Variants in ACADVL observed in about 807,000 individuals in gnomAD.
ACADVL encodes the protein very long-chain acyl-CoA dehydrogenase, mitochondrial.
ACADVL carries 73 observed loss-of-function variants against 80.4 expected under a neutral mutation model. That is an observed-to-expected ratio of 0.91 (90% CI 0.75 to 1.10). The LOEUF is 1.10. ACADVL is among the 50% of genes least tolerant of loss of function. ACADVL has a pLI of 0.00. For synonymous variants in ACADVL, 392 were observed against 326.5 expected (o/e 1.20, Z -2.16); for missense variants, 878 against 858.9 (o/e 1.02, Z -0.28).
rs2071412683 is a variant in ACADVL, at chr17:7,225,030, T to G, written c.1901T>G (p.Phe634Cys). The G allele has an allele frequency of 6.2e-6, 10 of 1,614,032 alleles. No individual in the cohort carries two copies. The highest frequency in any genetic ancestry group is 7.6e-6 in the Non-Finnish European group (9 of 1,180,006). Residue 634 changes from phenylalanine to cysteine, a missense_variant, in exon 20 of 20, where the codon TTC (phenylalanine) becomes TGC (cysteine). Coordinates refer to ENST00000356839, the MANE Select transcript of ACADVL (RefSeq NM_000018.4). ...TGGCAGCAAGAGCTCTACCGCAACT[T>G]CAAAAGCATCTCCAAGGCCTTGGTG... ...DPWQQELYRN[F>C]KSISKALVER...
In ACADVL at chr17:7,224,791, T is replaced by C. The variant is rs765592168; in HGVS notation, c.1752-18T>C. ...CCCAGCCGGCCCAGATTTATTTTCA[T>C]CTCCTGCTTCCTGCCAGGGCCTCAA... On this transcript the variant is annotated intron_variant, in intron 18 of 19. Transcript: ENST00000356839. 3 of 1,613,712 alleles carry C rather than the reference T, an allele frequency of 1.9e-6. No homozygotes were observed. The highest frequency in any genetic ancestry group is 1.1e-5 in the South Asian group (1 of 91,082).
upstream of ACADVL, chr17:7,217,797 C>G: frequency 1.3e-6 from 2 of 1,535,126 alleles, no homozygotes; most frequent in Non-Finnish European, 1.7e-6. Context: ...CAGCCACCAG[C>G]GATGACAGCA....
chr17:7,218,901 C>T, upstream of ACADVL: 1 of 1,593,136 alleles, frequency 6.3e-7, no homozygotes, highest in South Asian at 1.1e-5. Context: ...TGGAGTTGAG[C>T]TGCTTCTCCC....
At chr17:7,218,890 T>C (rs887195676), upstream of ACADVL, 3 of 1,610,420 alleles carry the variant, frequency 1.9e-6, no homozygotes, top group African/African-American at 2.7e-5. Flanking sequence ...TCCTCCAGGA[T>C]TGGAGTTGAG....
In ACADVL at chr17:7,221,515, CCA is replaced by C. The variant is rs60400822; in HGVS notation, c.478-22_478-21del. On this transcript the variant is annotated intron_variant, in intron 6 of 19. Coordinates refer to ENST00000356839, the MANE Select transcript of ACADVL (RefSeq NM_000018.4). Reference sequence around the variant, plus strand: ...GGTCCCCCTGCAGCCAGTGACAACCCCAGATTCCTGCTTCCCCTCCAGTACGC... The same window carrying C: ...GGTCCCCCTGCAGCCAGTGACAACCCGATTCCTGCTTCCCCTCCAGTACGC... 0.013 allele frequency: 21,279 copies of C among 1,613,924 alleles called. 2,057 individuals carry two copies. In the African/African-American group the frequency reaches 0.23, roughly 17 times the overall value.
chr17:7,220,168 C>G lies in ACADVL; in HGVS notation c.109C>G (p.Arg37Gly). ...LLGQPRPGPA[R>G]RPYAGGAAQL... is the part of the protein sequence containing the mutation. ...GGGGCAGCCCCGGCCCGGCCCTGCC[C>G]GGCGGCCCTATGCCGGGGGTGCCGC... is the stretch of plus-strand genomic sequence containing the variant. The change falls in exon 2 of 20, where the codon CGG becomes GGG. Residue 37 changes from arginine (R) to glycine (G), a missense_variant. Transcript: ENST00000356839. 6.5e-7 allele frequency: 1 copy of G among 1,538,438 alleles called. No individual in the cohort carries two copies. The highest frequency in any genetic ancestry group is 8.7e-7 in the Non-Finnish European group (1 of 1,148,458).
At position 7,225,156 on chromosome 17, in the gene ACADVL, CCCTTT is replaced by C; in HGVS notation, c.*64_*68del. On this transcript the variant is annotated 3_prime_UTR_variant, in exon 20 of 20. Transcript: ENST00000356839. ...CCTTCCCTCAAGCCAAAGCCGAAGC[CCCTTT>C]CCTTAAGGCCCTGGTTTGTCCCGAA... is the stretch of plus-strand genomic sequence containing the variant. 6.2e-7 allele frequency: 1 copy of C among 1,611,434 alleles called. No homozygotes were observed. Among genetic ancestry groups the C allele is most frequent in the Admixed American group, 1.7e-5 (1 of 60,018 alleles).
At chr17:7,221,811 A>G (rs933140301) in intron 7 of ACADVL, 129 bp downstream of exon 7, 72 of 1,586,892 alleles carry the variant, frequency 4.5e-5, no homozygotes, top group Non-Finnish European at 6.0e-5. Context: ...GAGGCATCAC[A>G]GTGTGCTGGT....
chr17:7,220,150 C>CCCCGG lies in ACADVL; in HGVS notation c.100_104dup (p.Arg37LeufsTer26), dbSNP rs2142960989. ...GCGGCTCACGGCGCTCCTGGGGCAG[C>CCCCGG]CCCGGCCCGGCCCTGCCCGGCGGCC... On this transcript the variant is annotated frameshift_variant, in exon 2 of 20. Coordinates refer to ENST00000356839, the MANE Select transcript of ACADVL (RefSeq NM_000018.4). LOFTEE classifies it high-confidence loss of function. 1.9e-6 allele frequency: 3 copies of CCCCGG among 1,547,532 alleles called. No homozygotes were observed. Among genetic ancestry groups the CCCCGG allele is most frequent in the Non-Finnish European group, 2.6e-6 (3 of 1,153,290 alleles).
At chr17:7,221,408 G>T in intron 6 of ACADVL, 130 bp from the exon 7 acceptor site, 1 of 1,439,926 alleles carries the variant, frequency 6.9e-7, no homozygotes, top group Non-Finnish European at 9.7e-7. Context: ...ACTGGGGATG[G>T]CCCAGGTCAG....
At chr17:7,218,486 G>A (rs569718478), upstream of ACADVL, 14 of 1,521,336 alleles carry the variant, frequency 9.2e-6, no homozygotes, top group South Asian at 7.2e-5. Flanking sequence ...AACAGCCCCC[G>A]AAGTTCAGTA....
In ACADVL at chr17:7,221,618, C is replaced by T; in HGVS notation, c.558C>T (p.Phe186=). 6.2e-7 allele frequency: 1 copy of T among 1,614,092 alleles called. No homozygotes were observed. The stretch of plus-strand genomic sequence containing the variant: ...TGGGGGCCCATCAGAGCATCGGTTT[C>T]AAAGGCATCCTGCTCTTTGGCACAA... ...ITLGAHQSIG[F]KGILLFGTKA... is the part of the protein sequence containing the mutation. Residue 186 remains phenylalanine, a synonymous_variant, in exon 7 of 20, where the codon TTC becomes TTT. Transcript: ENST00000356839.
chr17:7,221,133 T>C, intron 6 of ACADVL, 75 bp downstream of exon 6: 1 of 1,606,374 alleles, frequency 6.2e-7, no homozygotes, highest in Non-Finnish European at 8.5e-7. Context: ...GCCATAGACC[T>C]AGAGACTAGG....
upstream of ACADVL, chr17:7,219,811 C>T (rs1288207463): frequency 3.9e-6 from 6 of 1,528,744 alleles, no homozygotes; most frequent in Non-Finnish European, 5.3e-6. Flanking sequence ...GTCAGCGGAA[C>T]GCAGGGCCGG....
chr17:7,222,566 G>A (rs903315794), intron 9 of ACADVL, 101 bp from the exon 10 acceptor site: 6 of 1,313,636 alleles, frequency 4.6e-6, no homozygotes, highest in Non-Finnish European at 6.4e-6. Context: ...TAGTCTAGTG[G>A]TCGTCATTCC....
intron 8 of ACADVL, 45 bp from the exon 9 acceptor site, chr17:7,222,132 A>T: frequency 6.2e-7 from 1 of 1,614,034 alleles, no homozygotes; most frequent in Non-Finnish European, 8.5e-7. Context: ...TCCAGGCCCC[A>T]CTGCTCCCCG....
chr17:7,224,960 G>A lies in ACADVL; in HGVS notation c.1831G>A (p.Ala611Thr), dbSNP rs748274785. The A allele has an allele frequency of 6.2e-7, 1 of 1,614,080 alleles. No homozygotes were observed. The highest frequency in any genetic ancestry group is 8.5e-7 in the Non-Finnish European group (1 of 1,180,010). Reference protein sequence around the residue: ...MLCDTWCIEAAARIREGMAAL... With the variant: ...MLCDTWCIEATARIREGMAAL... ...ACCCCTCCTTCCCTCTCCCCAGGCT[G>A]CAGCTCGGATCCGAGAGGGCATGGC... The change falls in exon 20 of 20, where the codon GCA becomes ACA. Residue 611 changes from alanine (A) to threonine (T), a missense_variant. Physicochemically the swap from Ala to Thr is moderately conservative, Grantham distance 58 (BLOSUM62 0). Transcript: ENST00000356839.
At chr17:7,219,571 C>T (rs1300525892), upstream of ACADVL, 1 of 1,120,090 alleles carries the variant, frequency 8.9e-7, no homozygotes, top group Non-Finnish European at 1.1e-6. Flanking sequence ...CTTTCCATGT[C>T]TCTGCCTCTG....
At chr17:7,217,230 CT>C, upstream of ACADVL, 1 of 1,258,488 alleles carries the variant, frequency 7.9e-7, no homozygotes, top group Non-Finnish European at 1.0e-6. Flanking sequence ...GTTCTCACCC[CT>C]CCCCCCTCCG....
Sources: gnomAD v4.1 joint callset for allele counts on GRCh38, gnomAD v4.1.1 for gene constraint, MANE v1.5 for transcripts, NCBI Gene and HGNC (gene_info 2026-07-23, HGNC 2026-07-21) for gene names.